CENPO: variants seen among roughly 807,000 people sequenced by gnomAD.
CENPO encodes the protein centromeric protein O.
A neutral mutation model predicts 36.1 loss-of-function variants in CENPO; 30 were observed. The observed-to-expected ratio is 0.83, with a 90% CI of 0.62 to 1.13. CENPO has a LOEUF of 1.13. Ranked by LOEUF, CENPO falls within the 50% of genes most tolerant of loss-of-function variation. The pLI is 0.00. For synonymous variants in CENPO, 171 were observed against 142.3 expected, an observed-to-expected ratio of 1.20 and a Z score of -1.44; for missense variants, 349 against 357.8, an observed-to-expected ratio of 0.98 and a Z score of 0.20.
chr2:24,797,610 A>C (rs1665963910), intron 2 of CENPO, among the ~76,000 whole-genome samples: 1 of 152,224 alleles, frequency 6.6e-6, no homozygotes, highest in Non-Finnish European at 1.5e-5. Flanking sequence ...TAAGTGTCAC[A>C]AAAACAGGTT....
At chr2:24,805,106 A>C (rs1666333958) in intron 3 of CENPO, among the ~76,000 whole-genome samples, 1 of 151,962 alleles carries the variant, frequency 6.6e-6, no homozygotes, top group South Asian at 2.1e-4. Flanking sequence ...CCTTTCTTCC[A>C]GTTGATCGAA....
Position 24,819,858 on chromosome 2 carries a change from A to G in CENPO, c.*540A>G. On this transcript the variant is annotated 3_prime_UTR_variant, in exon 8 of 8. Coordinates refer to ENST00000380834, the MANE Select transcript of CENPO (RefSeq NM_001322101.2). ...CCATGAGTGTGCACTTCAATCCAGG[A>G]AGGTCGGGACTTCCTTCAGTTTCAA... 1 of 1,491,384 alleles carries G rather than the reference A, an allele frequency of 6.7e-7. No homozygotes were observed. The allele number at this position is 1,491,384 out of a possible 1,614,324, so 92.4% of individuals were successfully genotyped here. A position where few individuals can be genotyped will look rare whatever the true frequency, so the allele number is the denominator to read the frequency against.
chr2:24,799,436 G>A (rs923576356), intron 2 of CENPO, among the ~76,000 whole-genome samples: 8 of 152,038 alleles, frequency 5.3e-5, no homozygotes, highest in African/African-American at 1.9e-4. Context: ...ATCCTCTCTC[G>A]GGCTGTCTTT....
At chr2:24,816,265 C>G in intron 5 of CENPO, 1 of 196,266 alleles carries the variant, frequency 5.1e-6, no homozygotes, top group Non-Finnish European at 1.0e-5. Flanking sequence ...GTGCCTCCTA[C>G]AAGCTTAGCA....
intron 3 of CENPO, among the ~76,000 whole-genome samples, chr2:24,800,896 C>T (rs1227818184): frequency 4.6e-5 from 7 of 152,134 alleles, no homozygotes; most frequent in East Asian, 1.9e-4. Flanking sequence ...CCTGAGGAAT[C>T]GCCACACTGA....
rs922971029 is a variant in CENPO, at chr2:24,814,443, A to G, written c.284A>G (p.Glu95Gly). Residue 95 changes from glutamate (E) to glycine (G), a missense_variant, in exon 4 of 8, where the codon GAA (glutamate) becomes GGA (glycine). Physicochemically the swap from Glu to Gly is moderately conservative, Grantham distance 98. Coordinates refer to ENST00000380834, the MANE Select transcript of CENPO (RefSeq NM_001322101.2). ...TVEINEQEAL[E>G]EKLENVKAIL... Reference sequence around the variant, plus strand: ...GAGATCAATGAGCAAGAAGCATTGGAAGAGAAATTGGAAAATGTGAAAGCC... The same window carrying G: ...GAGATCAATGAGCAAGAAGCATTGGGAGAGAAATTGGAAAATGTGAAAGCC... 1.9e-6 allele frequency: 3 copies of G among 1,607,874 alleles called. No homozygotes were observed. The highest frequency in any genetic ancestry group is 1.3e-5 in the African/African-American group (1 of 74,770).
At chr2:24,815,237 CAA>C (rs36071782) in intron 4 of CENPO, among the ~76,000 whole-genome samples, 78 of 108,950 alleles carry the variant, frequency 7.2e-4, no homozygotes, top group Admixed American at 1.0e-3. Context: ...AACCCTATCT[CAA>C]AAAAAAAAAA....
In CENPO at chr2:24,815,586, C is replaced by A. The variant is rs980392846; in HGVS notation, c.424C>A (p.Leu142Ile). The A allele has an allele frequency of 1.7e-5, 27 of 1,613,908 alleles. No homozygotes were observed. The African/African-American group carries it at 2.9e-4, about 18-fold the overall frequency. Residue 142 changes from leucine (L) to isoleucine (I), a missense_variant, in exon 5 of 8, where the codon CTT (leucine) becomes ATT (isoleucine). Leu to Ile is a conservative substitution (Grantham distance 5). Transcript: ENST00000380834. The part of the protein sequence containing the change: ...GNLLDSYFVD[L>I]VIQKPLRIHH... ...CCTATTGGATTCCTATTTTGTGGAC[C>A]TTGTCATACAGAAACCACTCCGGAT...
At position 24,820,202 on chromosome 2, in the gene CENPO, C is replaced by T. The variant is rs1667359483; in HGVS notation, c.*884C>T. ...GGGGCTTTGGGTGGTTGGAGCCGAG[C>T]ACTGATCCATGGGTCCCAAGCAGTA... On this transcript the variant is annotated 3_prime_UTR_variant, in exon 8 of 8. Coordinates refer to ENST00000380834, the MANE Select transcript of CENPO (RefSeq NM_001322101.2). The T allele has an allele frequency of 1.6e-6, 2 of 1,279,678 alleles. No homozygotes were observed. Among genetic ancestry groups the T allele is most frequent in the Admixed American group, 2.6e-5 (1 of 37,970 alleles). The allele number at this position is 1,279,678 out of a possible 1,614,324, so 79.3% of individuals were successfully genotyped here.
In CENPO at chr2:24,815,410, A is replaced by G. The variant is rs185944020; in HGVS notation, c.335-87A>G. ...TTTGTGTACAAAGTGTACATATTCT[A>G]GGCACTGTGGAAGCTACTGGAGGCA... On this transcript the variant is annotated intron_variant, in intron 4 of 7. Transcript: ENST00000380834. 8.9e-5 allele frequency: 85 copies of G among 953,488 alleles called. No homozygotes were observed. In the African/African-American group the frequency reaches 1.3e-3, roughly 14 times the overall value. The allele number at this position is 953,488 out of a possible 1,614,324, so 59.1% of individuals were successfully genotyped here.
chr2:24,809,457 T>TG (rs1229238599), intron 3 of CENPO, among the ~76,000 whole-genome samples: 1 of 152,154 alleles, frequency 6.6e-6, no homozygotes, highest in East Asian at 1.9e-4. Flanking sequence ...CTTAAATACA[T>TG]TTAAAGTTAA....
chr2:24,820,614 G>T lies in CENPO; in HGVS notation c.*1296G>T. 6.5e-7 allele frequency: 1 copy of T among 1,538,024 alleles called. No individual in the cohort carries two copies. The highest frequency in any genetic ancestry group is 8.8e-7 in the Non-Finnish European group (1 of 1,134,054). ...CACTTGCCCCACGTCTCTGCCTCTG[G>T]ACTTACTGTTCAGGGCCAGGGTGGG... On this transcript the variant is annotated 3_prime_UTR_variant, in exon 8 of 8. Transcript: ENST00000380834.
intron 3 of CENPO, among the ~76,000 whole-genome samples, chr2:24,814,129 T>C (rs1254359677): frequency 2.0e-5 from 3 of 152,234 alleles, no homozygotes; most frequent in Non-Finnish European, 4.4e-5. Flanking sequence ...CTCTCAGTCC[T>C]GTCCATTCCC....
At chr2:24,818,317 G>T (rs115777501) in intron 7 of CENPO, among the ~76,000 whole-genome samples, 1 of 151,922 alleles carries the variant, frequency 6.6e-6, no homozygotes, top group African/African-American at 2.4e-5. Flanking sequence ...GAGAAACACT[G>T]ATCTAAATAA....
intron 2 of CENPO, 143 bp from the exon 3 acceptor site, chr2:24,799,532 T>C (rs1666066418): frequency 1.5e-6 from 1 of 666,144 alleles, no homozygotes; most frequent in Non-Finnish European, 2.6e-6. Flanking sequence ...GTTTTATAAA[T>C]TGACAGATAT....
Position 24,820,941 on chromosome 2 carries a change from C to T in CENPO, c.*1623C>T. On this transcript the variant is annotated 3_prime_UTR_variant, in exon 8 of 8. Transcript: ENST00000380834. ...TCCTCTCCAGACCTGTACCACAAAG[C>T]TCCTAATGTAACACATCATTGTCCT... is the stretch of plus-strand genomic sequence containing the variant. 6.6e-7 allele frequency: 1 copy of T among 1,524,016 alleles called. No homozygotes were observed. Among genetic ancestry groups the T allele is most frequent in the Non-Finnish European group, 8.9e-7 (1 of 1,125,126 alleles). The allele number at this position is 1,524,016 out of a possible 1,614,324, so 94.4% of individuals were successfully genotyped here.
intron 3 of CENPO, among the ~76,000 whole-genome samples, chr2:24,810,391 G>C (rs1666620566): frequency 6.6e-6 from 1 of 151,938 alleles, no homozygotes; most frequent in African/African-American, 2.4e-5. Context: ...ATCAGCCTGG[G>C]CAGCATAGTG....
Position 24,817,962 on chromosome 2 carries a change from A to G in CENPO, c.*35+121A>G, listed in dbSNP as rs976051042. 45 of 712,464 alleles carry G rather than the reference A, an allele frequency of 6.3e-5. No individual in the cohort carries two copies. The African/African-American group carries it at 7.4e-4, about 12-fold the overall frequency. The allele number at this position is 712,464 out of a possible 1,614,324, so 44.1% of individuals were successfully genotyped here. A position where few individuals can be genotyped will look rare whatever the true frequency, so the allele number is the denominator to read the frequency against. ...TCTGGATGGAAGAGCAGGTTTGAGT[A>G]TAGACACTGGCATTTTTGAACAATT... On this transcript the variant is annotated intron_variant, in intron 7 of 7. Transcript: ENST00000380834.
chr2:24,812,295 T>C (rs959410352), intron 3 of CENPO, among the ~76,000 whole-genome samples: 8 of 152,210 alleles, frequency 5.3e-5, no homozygotes, highest in African/African-American at 1.9e-4. Context: ...ATTAGTCAGG[T>C]GTTAATCTTA....
Sources: allele counts gnomAD v4.1 joint callset (sites outside exome capture counted in the v4.1 genomes callset), GRCh38; gene constraint gnomAD v4.1.1; transcripts MANE v1.5; gene names NCBI Gene and HGNC (gene_info 2026-07-23, HGNC 2026-07-21).